MYO16: variants seen among roughly 807,000 people sequenced by gnomAD.
MYO16 encodes the protein unconventional myosin-XVI.
Under a neutral mutation model 205.3 loss-of-function variants are expected in MYO16, and 94 were observed. The ratio of observed to expected loss-of-function variants is 0.46; its 90% CI spans 0.39 to 0.54. The LOEUF is 0.54. Among genes scored for constraint, MYO16 ranks in the 20% least tolerant of loss-of-function variants. The probability of loss-of-function intolerance (pLI) is 0.00; values close to 1 mark genes in which losing one functional copy is unlikely to be tolerated. For missense variants in MYO16, 2,315 were observed against 2,387.5 expected (o/e 0.97, Z 0.63); for synonymous variants, 988 against 954.0 (o/e 1.04, Z -0.66).
chr13:108,597,947 A>G (rs1289780039), intron 1 of MYO16, among the ~76,000 whole-genome samples: 1 of 152,190 alleles, frequency 6.6e-6, no homozygotes, highest in Non-Finnish European at 1.5e-5. Flanking sequence ...TTCCTACTTT[A>G]CCAGCCCTTA....
In MYO16 at chr13:108,928,834, T is replaced by TGC. The variant is rs1238944246; in HGVS notation, c.1925+18684_1925+18685insGC. ...AAAATCTGTACTTTTCATATCAAAC[T>TGC]ATATTTCAGACACGTGCAGTACAGT... On this transcript the variant is annotated intron_variant, in intron 16 of 34. Transcript: ENST00000457511. Among the ~76,000 whole-genome samples, 3 of 152,218 alleles carry TGC rather than the reference T, an allele frequency of 2.0e-5. No homozygotes were observed. The East Asian group carries it at 5.8e-4, about 29-fold the overall frequency.
At chr13:109,150,372 C>T (rs540273179) in intron 32 of MYO16, among the ~76,000 whole-genome samples, 4 of 152,182 alleles carry the variant, frequency 2.6e-5, no homozygotes, top group African/African-American at 7.2e-5. Context: ...TCATTGCTCT[C>T]GTGACTATGC....
At chr13:108,591,233 G>A (rs1431047625), upstream of MYO16, among the ~76,000 whole-genome samples, 1 of 152,144 alleles carries the variant, frequency 6.6e-6, no homozygotes, top group African/African-American at 2.4e-5. Context: ...CTGTCTCTGG[G>A]GCATCAGGAG....
intron 34 of MYO16, among the ~76,000 whole-genome samples, chr13:109,204,890 G>A (rs1197873638): frequency 2.6e-5 from 4 of 152,100 alleles, no homozygotes; most frequent in Non-Finnish European, 5.9e-5. Flanking sequence ...CCTAGCACAC[G>A]TGTAGCCAAA....
chr13:109,142,471 A>C (rs1202130334), intron 32 of MYO16, among the ~76,000 whole-genome samples: 1 of 151,844 alleles, frequency 6.6e-6, no homozygotes, highest in African/African-American at 2.4e-5. Context: ...CCCTAGAACT[A>C]AATTGAAAGG....
intron 1 of MYO16, among the ~76,000 whole-genome samples, chr13:108,621,509 A>G (rs767377770): frequency 6.6e-6 from 1 of 152,176 alleles, no homozygotes; most frequent in Non-Finnish European, 1.5e-5. Flanking sequence ...GTCTCATGCC[A>G]TCCAGCTTCA....
chr13:108,681,055 C>T (rs985924310), intron 2 of MYO16, among the ~76,000 whole-genome samples: 2 of 152,186 alleles, frequency 1.3e-5, no homozygotes, highest in African/African-American at 4.8e-5. Context: ...TCTAAAATTT[C>T]CTCTTGCATT....
chr13:108,499,922 C>T, the MYO16 span, among the ~76,000 whole-genome samples: 2 of 152,162 alleles, frequency 1.3e-5, no homozygotes, highest in Non-Finnish European at 2.9e-5. Flanking sequence ...CATTCCTGAG[C>T]TCTCCTCAGC....
rs760601247 is a variant in MYO16, at chr13:109,141,046, T to A, written c.4834T>A (p.Cys1612Ser). ...GCCGCCCCCCGCGCCCTACAGGCCC[T>A]GCGCGCACTTGGCCTTCCCGCCGGA... The part of the protein sequence containing the change: ...PGPPPAPYRP[C>S]AHLAFPPEPA... Residue 1612 changes from cysteine (C) to serine (S), a missense_variant, in exon 32 of 35, where the codon TGC becomes AGC. Coordinates refer to ENST00000457511, the MANE Select transcript of MYO16 (RefSeq NM_001198950.3). This position sits in a 1 kb window ranked among gnomAD's most constrained non-coding sequence, Gnocchi z 4.1. 9.0e-5 allele frequency: 124 copies of A among 1,379,400 alleles called. No individual in the cohort carries two copies. Among genetic ancestry groups the A allele is most frequent in the Non-Finnish European group, 9.3e-6 (10 of 1,072,910 alleles). 85.4% of individuals were successfully genotyped at this position (1,379,400 alleles called of 1,614,324 possible). A position where few individuals can be genotyped will look rare whatever the true frequency, so the allele number is the denominator to read the frequency against.
chr13:108,786,352 C>T (rs1321511068), intron 5 of MYO16, among the ~76,000 whole-genome samples: 1 of 152,196 alleles, frequency 6.6e-6, no homozygotes, highest in Non-Finnish European at 1.5e-5. Context: ...TCAGTAAGTG[C>T]AGCCTTGGGA....
chr13:109,085,818 TAGTC>T (rs1156230059), intron 27 of MYO16, among the ~76,000 whole-genome samples: 1 of 152,074 alleles, frequency 6.6e-6, no homozygotes, highest in Admixed American at 6.5e-5. Context: ...GTGTGGATGA[TAGTC>T]AGTGATAAGG....
intron 1 of MYO16, among the ~76,000 whole-genome samples, chr13:108,638,193 C>T (rs1566520510): frequency 6.6e-6 from 1 of 152,166 alleles, no homozygotes; most frequent in Non-Finnish European, 1.5e-5. Context: ...CAGTGTGCCA[C>T]ACAGAGGGAA....
the MYO16 span, among the ~76,000 whole-genome samples, chr13:108,516,341 C>T: frequency 2.4e-3 from 361 of 151,886 alleles, 2 homozygotes; most frequent in African/African-American, 7.0e-3. Context: ...GGCTCGCGCA[C>T]GGTGCGCGCA....
chr13:108,824,182 T>C (rs1181443553), intron 9 of MYO16, among the ~76,000 whole-genome samples: 1 of 151,998 alleles, frequency 6.6e-6, no homozygotes. Context: ...CAGAGCAATA[T>C]TATAAAAAAT....
chr13:108,551,266 G>A, the MYO16 span, among the ~76,000 whole-genome samples: 1 of 152,118 alleles, frequency 6.6e-6, no homozygotes. Context: ...TTTCTCCCGA[G>A]TTTCAGATGT....
intron 27 of MYO16, among the ~76,000 whole-genome samples, chr13:109,088,595 C>T (rs1003937882): frequency 1.1e-4 from 16 of 152,008 alleles, no homozygotes; most frequent in African/African-American, 3.9e-4. Flanking sequence ...GGAGGAGAGA[C>T]CCCCTGGCTT....
chr13:109,150,747 A>G (rs896060581), intron 32 of MYO16, among the ~76,000 whole-genome samples: 5 of 152,242 alleles, frequency 3.3e-5, no homozygotes, highest in African/African-American at 1.2e-4. Flanking sequence ...TTTCATAACC[A>G]GTAAATATTT....
intron 4 of MYO16, among the ~76,000 whole-genome samples, chr13:108,741,303 A>G (rs1884902780): frequency 6.6e-6 from 1 of 152,284 alleles, no homozygotes; most frequent in Admixed American, 6.5e-5. Context: ...CTTTTTTAAC[A>G]TTGAACTCAT....
intron 2 of MYO16, among the ~76,000 whole-genome samples, chr13:108,692,584 C>T (rs944510738): frequency 6.6e-6 from 1 of 152,158 alleles, no homozygotes; most frequent in Non-Finnish European, 1.5e-5. Flanking sequence ...GCAAACGTTG[C>T]GATTGGAATT....
Sources: allele counts gnomAD v4.1 joint callset (sites outside exome capture counted in the v4.1 genomes callset), GRCh38; gene constraint gnomAD v4.1.1; non-coding constraint Gnocchi (gnomAD v3.1); transcripts MANE v1.5; gene names NCBI Gene and HGNC (gene_info 2026-07-23, HGNC 2026-07-21).